PCDHA3: variants seen among roughly 807,000 people sequenced by gnomAD.
PCDHA3 encodes protocadherin alpha 3, also known as protocadherin alpha-3.
In PCDHA3, 41 loss-of-function variants were observed where a neutral mutation model predicts 62.2. The observed-to-expected ratio is 0.66, with a 90% CI of 0.51 to 0.86. The LOEUF (loss-of-function observed/expected upper bound fraction) is 0.86. Ranked by LOEUF, PCDHA3 falls within the 40% of genes least tolerant of loss-of-function variation. PCDHA3 has a pLI of 0.00. For missense variants in PCDHA3, 1,304 were observed against 1,241.2 expected (o/e 1.05, Z -0.76); for synonymous variants, 640 against 555.4 (o/e 1.15, Z -2.14).
At chr5:140,834,529 C>T (rs2150220403) in intron 1 of PCDHA3, 3 of 1,614,054 alleles carry the variant, frequency 1.9e-6, no homozygotes, top group Non-Finnish European at 2.5e-6. Context: ...GGCCGCATCG[C>T]GCAGGACCTG....
chr5:141,000,421 ATT>A (rs34755515), intron 3 of PCDHA3, among the ~76,000 whole-genome samples: 627 of 27,724 alleles, frequency 0.023, 1 homozygote, highest in Middle Eastern at 0.071. Context: ...ATATATATAT[ATT>A]TTTTTTTTTT....
At chr5:140,915,023 G>A (rs1273717052) in intron 1 of PCDHA3, among the ~76,000 whole-genome samples, 3 of 147,742 alleles carry the variant, frequency 2.0e-5, no homozygotes, top group African/African-American at 7.5e-5. Context: ...TTGGCTCACT[G>A]CAACTTCTGC....
At chr5:140,825,558 G>C (rs1468838002) in intron 1 of PCDHA3, 1 of 151,638 alleles carries the variant, frequency 6.6e-6, no homozygotes, top group Non-Finnish European at 1.5e-5. Context: ...CCAAGTAGCT[G>C]GGATTACAGG....
chr5:140,881,145 A>G (rs1335769260), intron 1 of PCDHA3, among the ~76,000 whole-genome samples: 1 of 152,246 alleles, frequency 6.6e-6, no homozygotes, highest in Non-Finnish European at 1.5e-5. Context: ...TTATAACAAT[A>G]GATAAAAGTA....
intron 1 of PCDHA3, chr5:140,825,364 A>G (rs1554130202): frequency 6.8e-6 from 1 of 147,296 alleles, no homozygotes; most frequent in Non-Finnish European, 1.5e-5. Context: ...TATTAGATAT[A>G]TAAATATCTA....
chr5:140,841,294 A>C, intron 1 of PCDHA3: 1 of 1,563,306 alleles, frequency 6.4e-7, no homozygotes, highest in Non-Finnish European at 8.6e-7. Flanking sequence ...TTAAGATAAT[A>C]TTTTCTGATA....
chr5:140,888,620 C>T lies in PCDHA3; in HGVS notation c.2394+85029C>T, dbSNP rs183005411. Among the ~76,000 whole-genome samples the T allele has an allele frequency of 3.4e-3, 514 of 152,264 alleles. 3 individuals are homozygous for T. The highest frequency in any genetic ancestry group is 0.014 in the Middle Eastern group (4 of 294). On this transcript the variant is annotated intron_variant, in intron 1 of 3. Coordinates refer to ENST00000522353, the MANE Select transcript of PCDHA3 (RefSeq NM_018906.3). ...AGCAGCTTTTAGTGTAGCACTAATT[C>T]GGCCTTCTATTACAGCAATACTTTC...
intron 1 of PCDHA3, chr5:140,865,597 G>A (rs1391602074): frequency 6.6e-6 from 1 of 152,154 alleles, no homozygotes; most frequent in Non-Finnish European, 1.5e-5. Context: ...CATTGTTTGA[G>A]CAGTTTATTA....
At chr5:140,856,295 T>C (rs782325790) in intron 1 of PCDHA3, 3 of 1,598,412 alleles carry the variant, frequency 1.9e-6, no homozygotes, top group Admixed American at 1.7e-5. Context: ...GAATGGCATT[T>C]TGTTTGTGAA....
At chr5:140,834,383 A>T in intron 1 of PCDHA3, 1 of 1,567,408 alleles carries the variant, frequency 6.4e-7, no homozygotes, top group Non-Finnish European at 8.6e-7. Flanking sequence ...AATAATTTGA[A>T]ATGGTGTGCC....
At chr5:140,871,134 C>G in intron 1 of PCDHA3, 9 of 1,613,414 alleles carry the variant, frequency 5.6e-6, no homozygotes, top group Non-Finnish European at 6.8e-6. Flanking sequence ...CGCCAAAGGC[C>G]TCTTCCCGGA....
intron 1 of PCDHA3, among the ~76,000 whole-genome samples, chr5:140,919,331 A>G (rs2079089725): frequency 6.6e-6 from 1 of 152,026 alleles, no homozygotes; most frequent in Non-Finnish European, 1.5e-5. Context: ...TTTACTTTCA[A>G]TCTGTTTGTA....
rs567902726 is a variant in PCDHA3 at position 140,936,017 on chromosome 5, C to T, written c.2395-42932C>T. Among the ~76,000 whole-genome samples, 12 of 151,854 alleles carry T rather than the reference C, an allele frequency of 7.9e-5. No individual in the cohort carries two copies. The South Asian group carries it at 1.7e-3, about 21-fold the overall frequency. ...AAGCGATTCTCCCACCTCAGCCTCCCGAGTAGCGGGGATTACAGGCACCCA... is the reference window on the plus strand; with the variant it reads ...AAGCGATTCTCCCACCTCAGCCTCCTGAGTAGCGGGGATTACAGGCACCCA... On this transcript the variant is annotated intron_variant, in intron 1 of 3. Coordinates refer to ENST00000522353, the MANE Select transcript of PCDHA3 (RefSeq NM_018906.3).
intron 1 of PCDHA3, chr5:140,854,500 C>T (rs1489975615): frequency 2.0e-5 from 3 of 149,908 alleles, no homozygotes; most frequent in Non-Finnish European, 3.0e-5. Context: ...TAGTAGGACA[C>T]ATAAACTGAT....
intron 1 of PCDHA3, chr5:140,828,383 C>G: frequency 6.2e-7 from 1 of 1,614,256 alleles, no homozygotes; most frequent in South Asian, 1.1e-5. Context: ...GCTGTGCGGG[C>G]GGAGCGCGGA....
chr5:140,898,156 G>C (rs1176390379), intron 1 of PCDHA3, among the ~76,000 whole-genome samples: 2 of 152,114 alleles, frequency 1.3e-5, no homozygotes, highest in African/African-American at 4.8e-5. Context: ...TCACGCTGAT[G>C]GTGGTTTCTT....
At chr5:140,840,258 A>T (rs1776629657) in intron 1 of PCDHA3, among the ~76,000 whole-genome samples, 1 of 151,990 alleles carries the variant, frequency 6.6e-6, no homozygotes, top group South Asian at 2.1e-4. Context: ...AAAAATTGTG[A>T]TTTTTTAATG....
At chr5:140,819,848 T>C (rs1554127755) in intron 1 of PCDHA3, among the ~76,000 whole-genome samples, 2 of 152,086 alleles carry the variant, frequency 1.3e-5, no homozygotes, top group African/African-American at 2.4e-5. Context: ...TTTTTCTCCA[T>C]TGAGTATATC....
At position 140,853,244 on chromosome 5, in the gene PCDHA3, T is replaced by C. The variant is rs954151249; in HGVS notation, c.2394+49653T>C. ...TTGGTAATTTAGTCCTTCATATTAATCTCTATTCTCTCTCAGAGTACAAGC... is the reference window on the plus strand; with the variant it reads ...TTGGTAATTTAGTCCTTCATATTAACCTCTATTCTCTCTCAGAGTACAAGC... On this transcript the variant is annotated intron_variant, in intron 1 of 3. Transcript: ENST00000522353. 6.8e-5 allele frequency: 66 copies of C among 975,168 alleles called. 5 individuals carry two copies. Among genetic ancestry groups the C allele is most frequent in the Non-Finnish European group, 7.9e-5 (64 of 808,328 alleles). 60.4% of individuals were successfully genotyped at this position (975,168 alleles called of 1,614,324 possible).
Sources: allele counts gnomAD v4.1 joint callset (sites outside exome capture counted in the v4.1 genomes callset), GRCh38; gene constraint gnomAD v4.1.1; transcripts MANE v1.5; gene names NCBI Gene and HGNC (gene_info 2026-07-23, HGNC 2026-07-21).